Variants in NELL1 observed in about 807,000 individuals in gnomAD.
The protein encoded by NELL1 is protein kinase C-binding protein NELL1.
NELL1 carries 76 observed loss-of-function variants against 107.4 expected under a neutral mutation model. The ratio of observed to expected loss-of-function variants is 0.71; its 90% CI spans 0.59 to 0.86. The LOEUF (loss-of-function observed/expected upper bound fraction) is 0.86. NELL1 is among the 40% of genes least tolerant of loss of function. The probability of loss-of-function intolerance (pLI) is 0.00; values close to 1 mark genes in which losing one functional copy is unlikely to be tolerated. For missense variants in NELL1, 1,024 were observed against 1,005.5 expected (o/e 1.02, Z -0.25); for synonymous variants, 353 against 341.2 (o/e 1.03, Z -0.38).
intron 14 of NELL1, among the ~76,000 whole-genome samples, chr11:21,350,400 A>G (rs546355324): frequency 6.6e-4 from 100 of 152,254 alleles, no homozygotes; most frequent in Non-Finnish European, 8.4e-4. Flanking sequence ...ACTAATATTT[A>G]ACAAATACCA....
intron 13 of NELL1, among the ~76,000 whole-genome samples, chr11:21,181,478 A>G (rs1219439669): frequency 6.6e-6 from 1 of 151,958 alleles, no homozygotes; most frequent in East Asian, 1.9e-4. Context: ...CCACAGTCTC[A>G]GAGGTGGGGC....
chr11:20,699,897 G>A (rs534896906), intron 2 of NELL1, among the ~76,000 whole-genome samples: 1 of 152,218 alleles, frequency 6.6e-6, no homozygotes, highest in African/African-American at 2.4e-5. Flanking sequence ...ATTCTTACCA[G>A]CAGTGTAAAA....
chr11:21,273,394 G>A (rs1848782733), intron 14 of NELL1, among the ~76,000 whole-genome samples: 1 of 152,188 alleles, frequency 6.6e-6, no homozygotes, highest in African/African-American at 2.4e-5. Flanking sequence ...CAAGAAATAT[G>A]GGACTATGTG....
intron 13 of NELL1, among the ~76,000 whole-genome samples, chr11:21,177,429 A>G (rs1321035519): frequency 6.6e-6 from 1 of 151,772 alleles, no homozygotes; most frequent in Non-Finnish European, 1.5e-5. Flanking sequence ...TGTTGTCACA[A>G]ATGACAACAT....
At chr11:20,896,706 C>A (rs924264355) in intron 5 of NELL1, among the ~76,000 whole-genome samples, 3 of 152,170 alleles carry the variant, frequency 2.0e-5, no homozygotes, top group African/African-American at 7.2e-5. Context: ...TAAACAACTT[C>A]AGCAAAGTCT....
intron 12 of NELL1, among the ~76,000 whole-genome samples, chr11:21,111,981 C>G (rs1176242999): frequency 6.6e-6 from 1 of 152,032 alleles, no homozygotes; most frequent in Non-Finnish European, 1.5e-5. Flanking sequence ...CTTAATGTCA[C>G]CATACTACTC....
At chr11:21,563,288 C>T (rs928067895) in intron 17 of NELL1, among the ~76,000 whole-genome samples, 3 of 152,020 alleles carry the variant, frequency 2.0e-5, no homozygotes, top group African/African-American at 4.8e-5. Flanking sequence ...AAGGTAGAGA[C>T]GTCCCCAGCT....
In NELL1 at chr11:20,976,102, AC is replaced by A. The variant is rs1474566741; in HGVS notation, c.1300+15543del. On this transcript the variant is annotated intron_variant, in intron 12 of 19. Coordinates refer to ENST00000357134, the MANE Select transcript of NELL1 (RefSeq NM_006157.5). ...TTATATACATTACATTTATATATAC[AC>A]ATATCTGTACATATATGTATTATGT... Among the ~76,000 whole-genome samples the A allele has an allele frequency of 4.5e-5, 6 of 133,770 alleles. 1 individual carries two copies. The highest frequency in any genetic ancestry group is 9.5e-5 in the Non-Finnish European group (6 of 63,222). 87.8% of individuals were successfully genotyped at this position (133,770 alleles called of 152,430 possible).
rs1850902994 is a variant in NELL1 at position 20,943,602 on chromosome 11, C to CA, written c.1072-3728dup. On this transcript the variant is annotated intron_variant, in intron 10 of 19. Coordinates refer to ENST00000357134, the MANE Select transcript of NELL1 (RefSeq NM_006157.5). Reference sequence around the variant, plus strand: ...ATTTCAAAAAAAAAACCCAACAAAACAAAAAACCATATTTATCTCACTGAA... The same window carrying CA: ...ATTTCAAAAAAAAAACCCAACAAAACAAAAAAACCATATTTATCTCACTGAA... Among the ~76,000 whole-genome samples the CA allele has an allele frequency of 3.3e-5, 5 of 151,868 alleles. No homozygotes were observed. The South Asian group carries it at 1.0e-3, about 32-fold the overall frequency.
At chr11:20,785,731 G>C (rs1286232700) in intron 3 of NELL1, among the ~76,000 whole-genome samples, 4 of 152,152 alleles carry the variant, frequency 2.6e-5, no homozygotes, top group African/African-American at 9.7e-5. Context: ...CAATTTCCTT[G>C]TCTGTAAAAT....
chr11:20,835,284 T>G (rs1045226627), intron 3 of NELL1, among the ~76,000 whole-genome samples: 6 of 152,202 alleles, frequency 3.9e-5, no homozygotes, highest in African/African-American at 1.4e-4. Context: ...GAGTGACATG[T>G]AAATTCTTTG....
In NELL1 at chr11:21,435,479, ATCGTTTT is replaced by A. The variant is rs1202098080; in HGVS notation, c.1645+64533_1645+64539del. Among the ~76,000 whole-genome samples, 19 of 138,172 alleles carry A rather than the reference ATCGTTTT, an allele frequency of 1.4e-4. No individual in the cohort carries two copies. In the South Asian group the frequency reaches 1.5e-3, roughly 11 times the overall value. 90.6% of individuals were successfully genotyped at this position (138,172 alleles called of 152,430 possible). On this transcript the variant is annotated intron_variant, in intron 15 of 19. Coordinates refer to ENST00000357134, the MANE Select transcript of NELL1 (RefSeq NM_006157.5). ...TTACCATGAAGAGATGTTAGCTTTT[ATCGTTTT>A]TTGTTTTTTGTTTTTTGTTTTTTTT... is the stretch of plus-strand genomic sequence containing the variant.
chr11:20,859,058 C>T (rs1564937082), intron 4 of NELL1, among the ~76,000 whole-genome samples: 2 of 152,190 alleles, frequency 1.3e-5, no homozygotes, highest in African/African-American at 2.4e-5. Context: ...TTCGTCATTT[C>T]GGCTGTAGGT....
At chr11:20,727,265 C>T (rs1175047022) in intron 2 of NELL1, among the ~76,000 whole-genome samples, 1 of 152,138 alleles carries the variant, frequency 6.6e-6, no homozygotes, top group African/African-American at 2.4e-5. Flanking sequence ...CCTGTTGTTT[C>T]CTAACTTTTT....
In NELL1 at chr11:21,228,770, C is replaced by T. The variant is rs1378649004; in HGVS notation, c.1427-562C>T. On this transcript the variant is annotated intron_variant, in intron 13 of 19. Coordinates refer to ENST00000357134, the MANE Select transcript of NELL1 (RefSeq NM_006157.5). ...CTGCCCTCCCCTCCTTTCCTCTCCTCTTTTTTGTAACCTGAGGGGAAGGTT... is the reference window on the plus strand; with the variant it reads ...CTGCCCTCCCCTCCTTTCCTCTCCTTTTTTTTGTAACCTGAGGGGAAGGTT... 5.1e-5 allele frequency among the ~76,000 whole-genome samples: 6 copies of T among 117,496 alleles called. No homozygotes were observed. The East Asian group carries it at 1.7e-3, about 33-fold the overall frequency. The allele number at this position is 117,496 out of a possible 152,430, so 77.1% of individuals were successfully genotyped here.
At chr11:21,214,782 A>G (rs1038329503) in intron 13 of NELL1, among the ~76,000 whole-genome samples, 73 of 106,778 alleles carry the variant, frequency 6.8e-4, no homozygotes, top group African/African-American at 2.4e-3. Flanking sequence ...TTAGTGGTTG[A>G]CAGTATTAGG....
At chr11:21,031,001 G>A (rs1053879640) in intron 12 of NELL1, among the ~76,000 whole-genome samples, 1 of 152,252 alleles carries the variant, frequency 6.6e-6, no homozygotes, top group Admixed American at 6.5e-5. Context: ...AAGTAGCTGG[G>A]ACTGTGCCAT....
chr11:21,122,720 G>A (rs1172620987), intron 13 of NELL1, among the ~76,000 whole-genome samples: 1 of 152,142 alleles, frequency 6.6e-6, no homozygotes, highest in East Asian at 1.9e-4. Context: ...TTCTTCATCA[G>A]TATTCACTGT....
intron 1 of NELL1, among the ~76,000 whole-genome samples, chr11:20,673,211 T>C (rs1224362172): frequency 1.3e-5 from 2 of 152,036 alleles, no homozygotes; most frequent in Non-Finnish European, 2.9e-5. Context: ...TAATTATGAA[T>C]TGAATAATGG....
Sources: gnomAD v4.1 joint callset for allele counts (sites outside exome capture counted in the v4.1 genomes callset) on GRCh38, gnomAD v4.1.1 for gene constraint, MANE v1.5 for transcripts, NCBI Gene and HGNC (gene_info 2026-07-23, HGNC 2026-07-21) for gene names.